ARSB: variants seen among roughly 807,000 people sequenced by gnomAD.
The protein encoded by ARSB is arylsulfatase B, also known as N-acetylgalactosamine-4-sulfatase.
A neutral mutation model predicts 50.9 loss-of-function variants in ARSB; 41 were observed. The observed-to-expected ratio is 0.81, with a 90% CI of 0.63 to 1.04. The LOEUF is 1.04. ARSB is among the 50% of genes least tolerant of loss of function. The probability of loss-of-function intolerance (pLI) is 0.00; values close to 1 mark genes in which losing one functional copy is unlikely to be tolerated. For missense variants in ARSB, 672 were observed against 693.3 expected, an observed-to-expected ratio of 0.97 and a Z score of 0.35; for synonymous variants, 269 against 284.8, an observed-to-expected ratio of 0.94 and a Z score of 0.56.
intron 4 of ARSB, among the ~76,000 whole-genome samples, chr5:78,916,617 T>TA (rs1468314211): frequency 6.6e-6 from 1 of 152,218 alleles, no homozygotes; most frequent in Non-Finnish European, 1.5e-5. Flanking sequence ...GATTAAATGT[T>TA]ACATTAATGC....
intron 6 of ARSB, among the ~76,000 whole-genome samples, chr5:78,795,522 T>C (rs1165797987): frequency 1.3e-5 from 2 of 151,902 alleles, no homozygotes; most frequent in East Asian, 3.9e-4. Context: ...CAAAGAAGAG[T>C]AAAATAGGGA....
At chr5:78,949,391 A>G (rs967951879) in intron 4 of ARSB, among the ~76,000 whole-genome samples, 2 of 152,224 alleles carry the variant, frequency 1.3e-5, no homozygotes, top group African/African-American at 4.8e-5. Flanking sequence ...TACAGGGCTA[A>G]GTGAAGTAAA....
chr5:78,951,318 A>G (rs991356147), intron 4 of ARSB, among the ~76,000 whole-genome samples: 1 of 152,128 alleles, frequency 6.6e-6, no homozygotes, highest in Non-Finnish European at 1.5e-5. Context: ...GTTTAATGCT[A>G]CTAAATACTA....
intron 4 of ARSB, among the ~76,000 whole-genome samples, chr5:78,897,283 C>G (rs1314359124): frequency 6.6e-6 from 1 of 152,090 alleles, no homozygotes; most frequent in African/African-American, 2.4e-5. Context: ...GGGGTTATTA[C>G]GGGCATTGCA....
chr5:78,902,424 A>G (rs1329055165), intron 4 of ARSB, among the ~76,000 whole-genome samples: 1 of 152,238 alleles, frequency 6.6e-6, no homozygotes, highest in Non-Finnish European at 1.5e-5. Context: ...AAGTAAAAAT[A>G]TATGTCCACA....
chr5:78,963,009 C>T (rs560344268), intron 3 of ARSB, among the ~76,000 whole-genome samples: 1 of 152,316 alleles, frequency 6.6e-6, no homozygotes, highest in African/African-American at 2.4e-5. Context: ...ATTTGACCCT[C>T]CTCCAAACCT....
intron 5 of ARSB, among the ~76,000 whole-genome samples, chr5:78,876,400 C>T (rs1044888028): frequency 6.6e-6 from 1 of 152,206 alleles, no homozygotes; most frequent in Admixed American, 6.5e-5. Context: ...ATTTACTTAA[C>T]CCTCTTGCCT....
At chr5:78,899,688 A>G (rs1314481013) in intron 4 of ARSB, among the ~76,000 whole-genome samples, 2 of 152,010 alleles carry the variant, frequency 1.3e-5, no homozygotes. Context: ...AATTATTTCA[A>G]TCTCTTTGTT....
chr5:78,894,359 A>C (rs1008759428), intron 4 of ARSB, among the ~76,000 whole-genome samples: 2 of 152,252 alleles, frequency 1.3e-5, no homozygotes, highest in African/African-American at 4.8e-5. Flanking sequence ...CAAGTATATA[A>C]TACAAGTTAA....
chr5:78,917,770 C>T (rs1478468507), intron 4 of ARSB, among the ~76,000 whole-genome samples: 1 of 152,204 alleles, frequency 6.6e-6, no homozygotes, highest in African/African-American at 2.4e-5. Flanking sequence ...ACCTCGGCCT[C>T]CCAAAGTGCT....
At chr5:78,850,623 C>T (rs183029919) in intron 5 of ARSB, among the ~76,000 whole-genome samples, 343 of 152,294 alleles carry the variant, frequency 2.3e-3, no homozygotes, top group African/African-American at 7.9e-3. Context: ...GGAATAGTTT[C>T]AGAAGGAATG....
In ARSB at chr5:78,985,068, C is replaced by A; in HGVS notation, c.181G>T (p.Gly61Cys). Residue 61 changes from glycine (G) to cysteine (C), a missense_variant, in exon 1 of 8, where the codon GGC becomes TGC. Gly to Cys is a radical substitution (Grantham distance 159, BLOSUM62 -3). Coordinates refer to ENST00000264914, the MANE Select transcript of ARSB (RefSeq NM_000046.5). The part of the protein sequence containing the change: ...LADDLGWNDV[G>C]FHGSRIRTPH... ...GTGCGGATGCGGGAGCCGTGGAAGC[C>A]GACGTCGTTCCAGCCTAGGTCGTCT... 6.5e-7 allele frequency: 1 copy of A among 1,543,872 alleles called. No individual in the cohort carries two copies. Among genetic ancestry groups the A allele is most frequent in the Non-Finnish European group, 8.7e-7 (1 of 1,147,156 alleles).
chr5:78,842,710 C>T (rs559781761), intron 5 of ARSB, among the ~76,000 whole-genome samples: 14 of 151,978 alleles, frequency 9.2e-5, no homozygotes, highest in African/African-American at 3.4e-4. Context: ...ATGAAAGATC[C>T]CTCTCTTGGA....
chr5:78,783,927 A>G (rs1749001332), intron 6 of ARSB, among the ~76,000 whole-genome samples: 1 of 152,228 alleles, frequency 6.6e-6, no homozygotes, highest in Admixed American at 6.5e-5. Context: ...AAAATTACAA[A>G]GAATAATATG....
Position 78,778,211 on chromosome 5 carries a change from A to G in ARSB, c.*2186T>C, listed in dbSNP as rs1230308148. 6 of 152,192 alleles carry G rather than the reference A, an allele frequency of 3.9e-5. No individual in the cohort carries two copies. Among genetic ancestry groups the G allele is most frequent in the African/African-American group, 1.4e-4 (6 of 41,444 alleles). The allele number at this position is 152,192 out of a possible 1,614,324, so 9.4% of individuals were successfully genotyped here. ...AGGAACATCTGGGCTCAGCTATTTC[A>G]TGCTGTCGGCCATACACTTCCAAGT... On this transcript the variant is annotated 3_prime_UTR_variant, in exon 8 of 8. Coordinates refer to ENST00000264914, the MANE Select transcript of ARSB (RefSeq NM_000046.5).
intron 2 of ARSB, among the ~76,000 whole-genome samples, chr5:78,968,013 T>C (rs545384674): frequency 6.6e-6 from 1 of 152,342 alleles, no homozygotes; most frequent in South Asian, 2.1e-4. Flanking sequence ...AAAGAGGGCA[T>C]ATTTTAAAAC....
intron 4 of ARSB, among the ~76,000 whole-genome samples, chr5:78,911,489 G>T (rs1366435238): frequency 7.0e-6 from 1 of 142,568 alleles, no homozygotes; most frequent in Admixed American, 7.4e-5. Flanking sequence ...CACTAGAATC[G>T]CTTGAAACCA....
chr5:78,897,099 A>G (rs1748598713), intron 4 of ARSB, among the ~76,000 whole-genome samples: 2 of 152,202 alleles, frequency 1.3e-5, no homozygotes, highest in South Asian at 4.1e-4. Flanking sequence ...TAAAGATTAG[A>G]ATATTAATTA....
At chr5:78,856,722 T>TAC (rs1246288021) in intron 5 of ARSB, among the ~76,000 whole-genome samples, 44 of 152,126 alleles carry the variant, frequency 2.9e-4, no homozygotes, top group Non-Finnish European at 1.3e-4. Flanking sequence ...TGTCTCTCTC[T>TAC]ACACACACAC....
Sources: gnomAD v4.1 joint callset for allele counts (sites outside exome capture counted in the v4.1 genomes callset) on GRCh38, gnomAD v4.1.1 for gene constraint, MANE v1.5 for transcripts, NCBI Gene and HGNC (gene_info 2026-07-23, HGNC 2026-07-21) for gene names.